Variants in APC observed in about 807,000 individuals in gnomAD.
APC encodes the protein adenomatous polyposis coli protein.
In APC, 72 loss-of-function variants were observed where a neutral mutation model predicts 247.0. That is an observed-to-expected ratio of 0.29 (90% CI 0.24 to 0.35). The LOEUF (loss-of-function observed/expected upper bound fraction) is 0.35. Among genes scored for constraint, APC ranks in the 10% least tolerant of loss-of-function variants. The pLI is 1.00. For synonymous variants in APC, 1,254 were observed against 1,162.5 expected, an observed-to-expected ratio of 1.08 and a Z score of -1.60; for missense variants, 3,400 against 3,360.7, an observed-to-expected ratio of 1.01 and a Z score of -0.29.
At chr5:112,754,408 A>T (rs997681081) in intron 1 of APC, among the ~76,000 whole-genome samples, 2 of 152,230 alleles carry the variant, frequency 1.3e-5, no homozygotes, top group African/African-American at 4.8e-5. Flanking sequence ...TCAAATAAAA[A>T]GTGTGAAATG....
At chr5:112,803,010 A>G (rs371505279) in intron 8 of APC, among the ~76,000 whole-genome samples, 6 of 152,148 alleles carry the variant, frequency 3.9e-5, no homozygotes, top group African/African-American at 1.4e-4. Flanking sequence ...AGAAGAAATT[A>G]AAATGACTTG....
At chr5:112,761,953 T>C (rs1160676407) in intron 2 of APC, among the ~76,000 whole-genome samples, 1 of 152,132 alleles carries the variant, frequency 6.6e-6, no homozygotes, top group East Asian at 1.9e-4. Flanking sequence ...AAGTAAGCCA[T>C]AGAGGAGAAA....
chr5:112,835,179 T>C lies in APC; in HGVS notation c.1958+14T>C, dbSNP rs766319124. On this transcript the variant is annotated intron_variant, in intron 15 of 15. Transcript: ENST00000257430. Reference sequence around the variant, plus strand: ...TGAGGACCACAGGTATATATAGAGTTTTATATTACTTTTAAAGTACAGAAT... The same window carrying C: ...TGAGGACCACAGGTATATATAGAGTCTTATATTACTTTTAAAGTACAGAAT... The C allele has an allele frequency of 6.3e-7, 1 of 1,593,216 alleles. No individual in the cohort carries two copies. The highest frequency in any genetic ancestry group is 2.3e-5 in the East Asian group (1 of 43,856).
At chr5:112,804,243 A>G (rs974472391) in intron 8 of APC, among the ~76,000 whole-genome samples, 14 of 152,304 alleles carry the variant, frequency 9.2e-5, no homozygotes, top group Non-Finnish European at 1.8e-4. Flanking sequence ...GCTTAGCACA[A>G]TTTATCATTG....
At chr5:112,708,853 C>T (rs1173013761) in intron 1 of APC, among the ~76,000 whole-genome samples, 1 of 152,128 alleles carries the variant, frequency 6.6e-6, no homozygotes, top group Non-Finnish European at 1.5e-5. Flanking sequence ...CTCAGTACTC[C>T]CTCCTTTATT....
intron 14 of APC, among the ~76,000 whole-genome samples, chr5:112,833,322 A>G (rs572838341): frequency 6.6e-6 from 1 of 151,666 alleles, no homozygotes; most frequent in East Asian, 1.9e-4. Flanking sequence ...AGCTAGGATT[A>G]CAGGTGCCCA....
upstream of APC, chr5:112,737,873 C>T (rs538251288): frequency 8.1e-6 from 8 of 985,650 alleles, no homozygotes; most frequent in Non-Finnish European, 8.4e-6. Flanking sequence ...TGGTGCAGCC[C>T]GCCAGGGTGT....
At chr5:112,765,925 GT>G (rs1464551728) in intron 2 of APC, among the ~76,000 whole-genome samples, 2 of 152,070 alleles carry the variant, frequency 1.3e-5, no homozygotes, top group African/African-American at 4.8e-5. Flanking sequence ...TTAATTTGGT[GT>G]TTTTTATGGT....
intron 2 of APC, 123 bp downstream of exon 2, chr5:112,755,148 C>G (rs1030864082): frequency 7.3e-7 from 1 of 1,362,896 alleles, no homozygotes; most frequent in Non-Finnish European, 9.9e-7. Context: ...TATGTAAACT[C>G]TTTCTTGCAA....
At chr5:112,736,873 C>T (rs1323567597), upstream of APC, among the ~76,000 whole-genome samples, 2 of 152,164 alleles carry the variant, frequency 1.3e-5, no homozygotes. Context: ...GAGATTGCAC[C>T]ACTGCACTCG....
chr5:112,830,438 A>C (rs1240024382), intron 14 of APC, among the ~76,000 whole-genome samples: 1 of 152,242 alleles, frequency 6.6e-6, no homozygotes, highest in Non-Finnish European at 1.5e-5. Context: ...GCTGGAAATC[A>C]TGTATTCTGC....
At chr5:112,727,329 G>T (rs2149666509) in intron 1 of APC, among the ~76,000 whole-genome samples, 1 of 152,118 alleles carries the variant, frequency 6.6e-6, no homozygotes, top group East Asian at 1.9e-4. Flanking sequence ...CAAAAAGGAA[G>T]AAAATGGTAT....
At chr5:112,765,820 G>A (rs1256285166) in intron 2 of APC, among the ~76,000 whole-genome samples, 2 of 152,152 alleles carry the variant, frequency 1.3e-5, no homozygotes, top group African/African-American at 4.8e-5. Flanking sequence ...ACAGTCATTT[G>A]AATGTATGCT....
At chr5:112,811,053 C>T (rs1030552184) in intron 8 of APC, among the ~76,000 whole-genome samples, 1 of 151,992 alleles carries the variant, frequency 6.6e-6, no homozygotes, top group Non-Finnish European at 1.5e-5. Context: ...AAAGAACCAA[C>T]ATCTTAGAGA....
intron 1 of APC, among the ~76,000 whole-genome samples, 182 bp downstream of exon 1, chr5:112,738,107 T>C (rs1455128194): frequency 6.6e-6 from 1 of 152,092 alleles, no homozygotes; most frequent in Non-Finnish European, 1.5e-5. Flanking sequence ...GGATTTCCTG[T>C]ACTTCGGATC....
At chr5:112,760,287 T>C (rs886468982) in intron 2 of APC, among the ~76,000 whole-genome samples, 1 of 152,176 alleles carries the variant, frequency 6.6e-6, no homozygotes, top group Non-Finnish European at 1.5e-5. Context: ...GAGCTCTAAA[T>C]GCATGGCTCA....
chr5:112,826,162 C>T (rs1243420753), intron 11 of APC, among the ~76,000 whole-genome samples: 2 of 152,162 alleles, frequency 1.3e-5, no homozygotes, highest in Non-Finnish European at 2.9e-5. Context: ...AAAATATTAA[C>T]GTACTGGCTG....
Position 112,819,222 on chromosome 5 carries a change from A to C in APC, c.1190A>C (p.Asp397Ala), listed in dbSNP as rs1195229686. 1 of 1,613,992 alleles carries C rather than the reference A, an allele frequency of 6.2e-7. No individual in the cohort carries two copies. Among genetic ancestry groups the C allele is most frequent in the Admixed American group, 1.7e-5 (1 of 59,988 alleles). The change falls in exon 10 of 16, where the codon GAC (aspartate) becomes GCC (alanine). Residue 397 changes from aspartate to alanine, a missense_variant. Physicochemically the swap from Asp to Ala is moderately radical, Grantham distance 126. Around this residue, in one of 9 missense-constraint regions of APC, gnomAD observed 199 missense variants for 212.5 expected, o/e 0.94. Coordinates refer to ENST00000257430, the MANE Select transcript of APC (RefSeq NM_000038.6). ...LHNIIHSQPD[D>A]KRGRREIRVL... The stretch of plus-strand genomic sequence containing the variant: ...AACATCATTCACTCACAGCCTGATG[A>C]CAAGAGAGGCAGGCGTGAAATCCGA...
intron 2 of APC, among the ~76,000 whole-genome samples, chr5:112,756,757 T>A (rs1463584406): frequency 6.6e-6 from 1 of 152,214 alleles, no homozygotes; most frequent in Non-Finnish European, 1.5e-5. Flanking sequence ...ACAATAGAAG[T>A]CACACCCTCA....
Sources: gnomAD v4.1 joint callset for allele counts (sites outside exome capture counted in the v4.1 genomes callset) on GRCh38, gnomAD v4.1.1 for gene constraint, gnomAD v4.1.1 regional missense constraint, MANE v1.5 for transcripts, NCBI Gene and HGNC (gene_info 2026-07-23, HGNC 2026-07-21) for gene names.